The following DISC1 variants were observed in gnomAD, a reference collection of about 807,000 sequenced individuals.
DISC1 encodes DISC1 scaffold protein, also known as disrupted in schizophrenia 1 protein.
DISC1 carries 57 observed loss-of-function variants against 84.5 expected under a neutral mutation model. The ratio of observed to expected loss-of-function variants is 0.67; its 90% confidence interval spans 0.55 to 0.84. DISC1 has a LOEUF of 0.84. Among genes scored for constraint, DISC1 ranks in the 40% least tolerant of loss-of-function variants. DISC1 has a pLI of 0.00. For synonymous variants in DISC1, 411 were observed against 415.2 expected, an observed-to-expected ratio of 0.99 and a Z score of 0.12; for missense variants, 1,000 against 1,057.8, an observed-to-expected ratio of 0.95 and a Z score of 0.76.
At chr1:231,628,958 A>G (rs943484602) in intron 1 of DISC1, among the ~76,000 whole-genome samples, 5 of 151,264 alleles carry the variant, frequency 3.3e-5, no homozygotes, top group Non-Finnish European at 7.4e-5. Context: ...GCTGGTCTCG[A>G]CCTCCTGGCT....
chr1:231,630,094 C>G lies in DISC1; in HGVS notation c.67+3160C>G, dbSNP rs2058588154. Among the ~76,000 whole-genome samples, 1 of 152,084 alleles carries G rather than the reference C, an allele frequency of 6.6e-6. No homozygotes were observed. The highest frequency in any genetic ancestry group is 1.5e-5 in the Non-Finnish European group (1 of 68,028). ...TACAGGCGCCCACCACCACATCCAG[C>G]TAATTTTTGTATTTTTAATACAGAC... On this transcript the variant is annotated intron_variant, in intron 1 of 12. Transcript: ENST00000439617. The surrounding 1 kb of genome is among the most constrained non-coding windows in gnomAD (Gnocchi z 4.4).
At chr1:231,919,436 T>C (rs1286482402) in intron 9 of DISC1, among the ~76,000 whole-genome samples, 1 of 152,336 alleles carries the variant, frequency 6.6e-6, no homozygotes, top group East Asian at 1.9e-4. Flanking sequence ...TCAGGTCAAA[T>C]GGGCGTAGCT....
rs561951580 is a variant in DISC1, at chr1:231,929,676, T to C, written c.1982-29152T>C. 2.0e-5 allele frequency among the ~76,000 whole-genome samples: 3 copies of C among 152,350 alleles called. No homozygotes were observed. In the East Asian group the frequency reaches 5.8e-4, roughly 29 times the overall value. On this transcript the variant is annotated intron_variant, in intron 9 of 12. Transcript: ENST00000439617. ...TTTTGCAGACTGTTCTGTAGTTAAT[T>C]TGGGTCATGAAGCCCACTGTGGCTC...
chr1:231,871,728 C>G (rs1331862671), intron 9 of DISC1, among the ~76,000 whole-genome samples: 1 of 152,134 alleles, frequency 6.6e-6, no homozygotes, highest in African/African-American at 2.4e-5. Context: ...GTCTCTGGGT[C>G]TCTATAATGT....
At chr1:231,723,435 G>T (rs11122324) in intron 3 of DISC1, 138 of 985,262 alleles carry the variant, frequency 1.4e-4, no homozygotes, top group Non-Finnish European at 1.6e-4. Context: ...AGGTGCACTG[G>T]CTACGACCTT....
chr1:231,749,727 G>A (rs1217013838), intron 3 of DISC1, among the ~76,000 whole-genome samples, 199 bp from the exon 4 acceptor site: 1 of 152,138 alleles, frequency 6.6e-6, no homozygotes, highest in Non-Finnish European at 1.5e-5. Flanking sequence ...ATAAAAGATA[G>A]GAGAGCCATC....
chr1:231,721,121 A>G, intron 3 of DISC1: 7 of 1,284,486 alleles, frequency 5.4e-6, no homozygotes, highest in Non-Finnish European at 7.1e-6. Flanking sequence ...AATGAGTACA[A>G]TAACATTAGC....
intron 8 of DISC1, among the ~76,000 whole-genome samples, chr1:231,802,169 T>G (rs1383258142): frequency 6.6e-6 from 1 of 152,074 alleles, no homozygotes; most frequent in Non-Finnish European, 1.5e-5. Context: ...ATTGATATGG[T>G]TTGGCTCTGT....
At chr1:231,874,707 C>A (rs1330314910) in intron 9 of DISC1, among the ~76,000 whole-genome samples, 1 of 151,428 alleles carries the variant, frequency 6.6e-6, no homozygotes, top group Non-Finnish European at 1.5e-5. Context: ...GTCAGGAGAT[C>A]GAGACCATCC....
At chr1:232,010,065 C>T (rs1402088196) in intron 11 of DISC1, among the ~76,000 whole-genome samples, 1 of 152,180 alleles carries the variant, frequency 6.6e-6, no homozygotes, top group African/African-American at 2.4e-5. Flanking sequence ...TGCCTCTGGA[C>T]TGCTTAGAAA....
At chr1:231,722,683 A>G in intron 3 of DISC1, 1 of 1,603,792 alleles carries the variant, frequency 6.2e-7, no homozygotes, top group Non-Finnish European at 8.5e-7. Flanking sequence ...CATCATGAAA[A>G]GAAAAAGAGG....
chr1:231,894,529 AT>A lies in DISC1; in HGVS notation c.1982-64298del, dbSNP rs1246915996. Among the ~76,000 whole-genome samples the A allele has an allele frequency of 2.0e-5, 3 of 151,998 alleles. No homozygotes were observed. In the East Asian group the frequency reaches 5.8e-4, roughly 29 times the overall value. ...TTCTTTTTTTTCTATTTCTTGTTTA[AT>A]AAGTTCTTTCCTACTCCCAGGATCA... On this transcript the variant is annotated intron_variant, in intron 9 of 12. Coordinates refer to ENST00000439617, the MANE Select transcript of DISC1 (RefSeq NM_018662.3).
intron 9 of DISC1, among the ~76,000 whole-genome samples, chr1:231,844,518 A>G (rs1046367812): frequency 1.3e-5 from 2 of 152,184 alleles, no homozygotes; most frequent in African/African-American, 4.8e-5. Flanking sequence ...TTAGGGAGAC[A>G]TGAGACATCA....
At chr1:231,876,886 G>A (rs531029902) in intron 9 of DISC1, among the ~76,000 whole-genome samples, 5 of 152,286 alleles carry the variant, frequency 3.3e-5, no homozygotes, top group African/African-American at 1.2e-4. Context: ...ATTGTTAATG[G>A]TAAAGCAAAG....
intron 1 of DISC1, among the ~76,000 whole-genome samples, chr1:231,632,979 G>A (rs2058858815): frequency 6.6e-6 from 1 of 152,170 alleles, no homozygotes; most frequent in Non-Finnish European, 1.5e-5. Context: ...GCTGAGGCTG[G>A]AGAATCGCTT....
chr1:231,888,690 A>G (rs1034529584), intron 9 of DISC1, among the ~76,000 whole-genome samples: 1 of 143,968 alleles, frequency 6.9e-6, no homozygotes, highest in Non-Finnish European at 1.5e-5. Flanking sequence ...GTGAGCCAAG[A>G]TCGTGCCACT....
At chr1:231,835,323 G>A (rs1371439581) in intron 9 of DISC1, among the ~76,000 whole-genome samples, 4 of 152,178 alleles carry the variant, frequency 2.6e-5, no homozygotes, top group Non-Finnish European at 5.9e-5. Flanking sequence ...AGCGGGCTGA[G>A]TCCGAAAAGA....
chr1:231,641,755 T>G (rs2059710214), intron 1 of DISC1, among the ~76,000 whole-genome samples: 1 of 152,200 alleles, frequency 6.6e-6, no homozygotes, highest in South Asian at 2.1e-4. Context: ...ATTAGCTAGA[T>G]ACAGAGTGTC....
At chr1:231,912,950 C>T (rs1437547769) in intron 9 of DISC1, among the ~76,000 whole-genome samples, 3 of 150,710 alleles carry the variant, frequency 2.0e-5, no homozygotes, top group Non-Finnish European at 4.4e-5. Flanking sequence ...TGCTGTCACC[C>T]AAGCTTGAGT....
Sources: allele counts gnomAD v4.1 joint callset (sites outside exome capture counted in the v4.1 genomes callset), GRCh38; gene constraint gnomAD v4.1.1; non-coding constraint Gnocchi (gnomAD v3.1); transcripts MANE v1.5; gene names NCBI Gene and HGNC (gene_info 2026-07-23, HGNC 2026-07-21).